The following C12orf42 variants were observed in gnomAD, a reference collection of about 807,000 sequenced individuals.
C12orf42 encodes chromosome 12 open reading frame 42.
Under a neutral mutation model 21.6 loss-of-function variants are expected in C12orf42, and 25 were observed. The ratio of observed to expected loss-of-function variants is 1.16; its 90% CI spans 0.84 to 1.62. C12orf42 has a LOEUF of 1.62. Among genes scored for constraint, C12orf42 ranks in the 40% most tolerant of loss-of-function variants. C12orf42 has a pLI of 0.00. For missense variants in C12orf42, 483 were observed against 459.3 expected, an observed-to-expected ratio of 1.05 and a Z score of -0.47; for synonymous variants, 174 against 175.0, an observed-to-expected ratio of 0.99 and a Z score of 0.05.
chr12:103,483,643 T>G (rs902152972), intron 1 of C12orf42, among the ~76,000 whole-genome samples: 10 of 152,120 alleles, frequency 6.6e-5, no homozygotes. Context: ...AGGTTTATGT[T>G]TTTTTTATTT....
At chr12:103,229,678 G>A in the C12orf42 span, among the ~76,000 whole-genome samples, 1 of 152,154 alleles carries the variant, frequency 6.6e-6, no homozygotes, top group South Asian at 2.1e-4. Context: ...GACTCCCAGA[G>A]GGAATGACTA....
the C12orf42 span, among the ~76,000 whole-genome samples, chr12:103,129,627 C>T: frequency 1.3e-5 from 2 of 152,148 alleles, no homozygotes; most frequent in Non-Finnish European, 2.9e-5. Flanking sequence ...TCCCTCTTTC[C>T]CCTTTGTTAT....
the C12orf42 span, among the ~76,000 whole-genome samples, chr12:103,054,078 C>T: frequency 6.6e-6 from 1 of 151,782 alleles, no homozygotes; most frequent in African/African-American, 2.4e-5. Context: ...AGTTTATTTG[C>T]CTTTCCATAT....
chr12:103,328,524 G>A (rs778861096), intron 4 of C12orf42, among the ~76,000 whole-genome samples: 14 of 152,108 alleles, frequency 9.2e-5, no homozygotes, highest in African/African-American at 2.4e-4. Flanking sequence ...CATCCAGTAC[G>A]TCCTTCACCA....
chr12:103,291,190 C>T (rs1388447814), intron 4 of C12orf42, among the ~76,000 whole-genome samples: 3 of 152,276 alleles, frequency 2.0e-5, no homozygotes, highest in South Asian at 2.1e-4. Context: ...AGAGAAAAGG[C>T]GTATGGCAAA....
downstream of C12orf42, among the ~76,000 whole-genome samples, chr12:103,299,211 T>A (rs543875896): frequency 6.6e-6 from 1 of 152,112 alleles, no homozygotes. Flanking sequence ...ATCATTATTA[T>A]CATTAAAGAT....
chr12:103,362,016 C>G, intron 4 of C12orf42, among the ~76,000 whole-genome samples: 1 of 152,132 alleles, frequency 6.6e-6, no homozygotes, highest in East Asian at 1.9e-4. Flanking sequence ...CTGATGCCCT[C>G]TTGAAAGTGC....
chr12:103,343,117 T>G (rs1251094252), intron 4 of C12orf42, among the ~76,000 whole-genome samples: 2 of 152,202 alleles, frequency 1.3e-5, no homozygotes, highest in East Asian at 3.8e-4. Context: ...ATTCTAACAT[T>G]TGCAAGTGAA....
At chr12:103,160,574 G>T in the C12orf42 span, among the ~76,000 whole-genome samples, 2 of 152,150 alleles carry the variant, frequency 1.3e-5, no homozygotes, top group Admixed American at 6.5e-5. Flanking sequence ...CCTCAAAGAA[G>T]ATCCCTCAAG....
At chr12:103,459,124 G>T (rs1393370906) in intron 2 of C12orf42, among the ~76,000 whole-genome samples, 2 of 152,132 alleles carry the variant, frequency 1.3e-5, no homozygotes, top group Non-Finnish European at 2.9e-5. Flanking sequence ...TCAAGCTAAA[G>T]TTGGCCATAA....
chr12:103,276,987 G>C (rs1462981601), intron 5 of C12orf42, among the ~76,000 whole-genome samples: 1 of 152,110 alleles, frequency 6.6e-6, no homozygotes, highest in African/African-American at 2.4e-5. Flanking sequence ...GGGATTGAAA[G>C]AGAAATAAAA....
At chr12:103,116,556 A>G in the C12orf42 span, among the ~76,000 whole-genome samples, 3 of 152,002 alleles carry the variant, frequency 2.0e-5, no homozygotes, top group South Asian at 6.2e-4. Flanking sequence ...TTCCAGCAAG[A>G]GTTGTTAATA....
chr12:103,471,772 C>T (rs1236478518), intron 2 of C12orf42, among the ~76,000 whole-genome samples: 2 of 152,206 alleles, frequency 1.3e-5, no homozygotes, highest in African/African-American at 2.4e-5. Context: ...ATAAAAGTAT[C>T]AGGAAACAAG....
chr12:103,489,345 C>T (rs1291021279), intron 1 of C12orf42, among the ~76,000 whole-genome samples: 1 of 152,170 alleles, frequency 6.6e-6, no homozygotes, highest in Non-Finnish European at 1.5e-5. Context: ...GGGGCACCCA[C>T]CTGTATGAGG....
the C12orf42 span, among the ~76,000 whole-genome samples, chr12:103,550,188 T>A: frequency 1.3e-5 from 2 of 152,116 alleles, no homozygotes; most frequent in African/African-American, 2.4e-5. Context: ...TTAACGAATT[T>A]CCTTTTCTTT....
intron 2 of C12orf42, among the ~76,000 whole-genome samples, chr12:103,428,768 C>T (rs1950040989): frequency 2.0e-5 from 3 of 152,160 alleles, no homozygotes; most frequent in Admixed American, 2.0e-4. Context: ...AGCTTATCCA[C>T]CGTGATCAAG....
At chr12:103,076,047 A>C in the C12orf42 span, among the ~76,000 whole-genome samples, 3 of 152,074 alleles carry the variant, frequency 2.0e-5, no homozygotes, top group Non-Finnish European at 4.4e-5. Flanking sequence ...ATTTGTCTTT[A>C]AGAAATCAAT....
the C12orf42 span, among the ~76,000 whole-genome samples, chr12:103,232,509 C>A: frequency 1.3e-5 from 2 of 151,962 alleles, no homozygotes; most frequent in South Asian, 4.1e-4. Flanking sequence ...GAGATCGAGA[C>A]CATCCTGGCT....
the C12orf42 span, among the ~76,000 whole-genome samples, chr12:103,142,695 A>C: frequency 6.6e-6 from 1 of 152,176 alleles, no homozygotes; most frequent in African/African-American, 2.4e-5. Flanking sequence ...GGGGGATAGC[A>C]GTCACTGTTA....
Sources: allele counts gnomAD v4.1 joint callset (sites outside exome capture counted in the v4.1 genomes callset), GRCh38; gene constraint gnomAD v4.1.1; transcripts MANE v1.5; gene names NCBI Gene and HGNC (gene_info 2026-07-23, HGNC 2026-07-21).